The following ANKFN1 variants were observed in gnomAD, a reference collection of about 807,000 sequenced individuals.
ANKFN1 encodes the protein ankyrin repeat and fibronectin type-III domain-containing protein 1.
Under a neutral mutation model 108.7 loss-of-function variants are expected in ANKFN1, and 74 were observed. The observed-to-expected ratio is 0.68, with a 90% CI of 0.56 to 0.83. The LOEUF is 0.83. ANKFN1 is among the 40% of genes least tolerant of loss of function. The pLI, the probability that ANKFN1 is intolerant of heterozygous loss-of-function variation, is 0.00. For synonymous variants in ANKFN1, 547 were observed against 516.2 expected (o/e 1.06, Z -0.81); for missense variants, 1,505 against 1,382.3 (o/e 1.09, Z -1.41).
intron 3 of ANKFN1, among the ~76,000 whole-genome samples, chr17:56,250,355 C>T (rs558473678): frequency 3.3e-5 from 5 of 152,270 alleles, no homozygotes; most frequent in South Asian, 2.1e-4. Context: ...AAAGCCACAG[C>T]GCAGCTATTG....
At chr17:56,458,619 T>G (rs2049795162) in intron 14 of ANKFN1, among the ~76,000 whole-genome samples, 1 of 152,228 alleles carries the variant, frequency 6.6e-6, no homozygotes, top group South Asian at 2.1e-4. Context: ...AGCATTAAAT[T>G]CTAACCAAGA....
chr17:56,166,212 G>T (rs1015997707), intron 1 of ANKFN1, among the ~76,000 whole-genome samples: 1 of 152,098 alleles, frequency 6.6e-6, no homozygotes, highest in Non-Finnish European at 1.5e-5. Context: ...TCCCTCTCTA[G>T]GTTGTAGTTA....
At chr17:56,406,526 A>C (rs765513738) in intron 8 of ANKFN1, among the ~76,000 whole-genome samples, 2 of 152,162 alleles carry the variant, frequency 1.3e-5, no homozygotes, top group Admixed American at 1.3e-4. Flanking sequence ...AAATGACAGG[A>C]GTGTTTACGT....
At chr17:56,075,076 G>GA (rs1206609391) in intron 4 of ANKFN1, among the ~76,000 whole-genome samples, 1 of 152,178 alleles carries the variant, frequency 6.6e-6, no homozygotes, top group East Asian at 1.9e-4. Flanking sequence ...AAGCTAGCAG[G>GA]AAACAGACCC....
At chr17:56,174,040 T>C in intron 1 of ANKFN1, 1 of 354,244 alleles carries the variant, frequency 2.8e-6, no homozygotes, top group Non-Finnish European at 4.0e-6. Flanking sequence ...GTCCATGCCA[T>C]CTGCCAGGTT....
intron 3 of ANKFN1, among the ~76,000 whole-genome samples, chr17:56,322,360 G>A (rs1049378107): frequency 8.6e-5 from 13 of 151,686 alleles, no homozygotes; most frequent in Non-Finnish European, 1.9e-4. Context: ...ACATCTTCAC[G>A]GGCCTTCACA....
intron 4 of ANKFN1, among the ~76,000 whole-genome samples, chr17:56,349,085 G>T: frequency 6.6e-6 from 1 of 152,124 alleles, no homozygotes; most frequent in Non-Finnish European, 1.5e-5. Flanking sequence ...TAGGGACATG[G>T]ATGAAGCTGG....
At chr17:56,336,101 G>T (rs1293016789) in intron 4 of ANKFN1, among the ~76,000 whole-genome samples, 1 of 152,154 alleles carries the variant, frequency 6.6e-6, no homozygotes, top group Non-Finnish European at 1.5e-5. Flanking sequence ...TTGATGAGCT[G>T]CTGGATTCAG....
chr17:56,319,811 G>A (rs186573627), intron 3 of ANKFN1, among the ~76,000 whole-genome samples: 87 of 152,122 alleles, frequency 5.7e-4, no homozygotes, highest in African/African-American at 1.8e-3. Context: ...TTCTCAGTTG[G>A]CCAAAGCATT....
intron 14 of ANKFN1, 95 bp from the exon 15 acceptor site, chr17:56,466,261 G>A: frequency 8.8e-7 from 1 of 1,139,270 alleles, no homozygotes; most frequent in Non-Finnish European, 1.3e-6. Flanking sequence ...CAGCTTCTCA[G>A]AAATCAGATT....
chr17:56,257,201 A>G (rs915220246), intron 3 of ANKFN1, among the ~76,000 whole-genome samples: 2 of 152,130 alleles, frequency 1.3e-5, no homozygotes, highest in African/African-American at 2.4e-5. Flanking sequence ...GGTGATGACA[A>G]TGATGATAAT....
At chr17:56,354,070 A>G (rs1181466997) in intron 6 of ANKFN1, 24 bp downstream of exon 6, 3 of 1,607,720 alleles carry the variant, frequency 1.9e-6, no homozygotes, top group African/African-American at 2.7e-5. Flanking sequence ...GAATAAACAC[A>G]TGTACTATTA....
intron 12 of ANKFN1, 56 bp from the exon 13 acceptor site, chr17:56,457,201 A>T: frequency 6.7e-7 from 1 of 1,482,398 alleles, no homozygotes; most frequent in South Asian, 1.4e-5. Flanking sequence ...ACATCCAAAA[A>T]AATATTTTTC....
intron 8 of ANKFN1, among the ~76,000 whole-genome samples, chr17:56,416,930 T>G (rs1002380300): frequency 3.3e-5 from 5 of 152,164 alleles, no homozygotes; most frequent in African/African-American, 4.8e-5. Flanking sequence ...CTGGAGGTCA[T>G]TAGGTAACAT....
At chr17:56,109,429 C>T (rs746726350) in intron 4 of ANKFN1, among the ~76,000 whole-genome samples, 1 of 152,104 alleles carries the variant, frequency 6.6e-6, no homozygotes, top group African/African-American at 2.4e-5. Flanking sequence ...CATCTCTGAC[C>T]TCTACCGACC....
chr17:56,064,843 C>T (rs1484419117), intron 4 of ANKFN1, among the ~76,000 whole-genome samples: 1 of 152,030 alleles, frequency 6.6e-6, no homozygotes, highest in Non-Finnish European at 1.5e-5. Flanking sequence ...GATGCTAGGC[C>T]CCGGTGGTGT....
At chr17:56,326,175 G>A (rs756542192) in intron 3 of ANKFN1, 46 bp from the exon 4 acceptor site, 10 of 1,550,032 alleles carry the variant, frequency 6.5e-6, no homozygotes, top group African/African-American at 4.2e-5. Flanking sequence ...CATGGACTTC[G>A]GCTCTTGCCT....
chr17:56,183,388 C>T (rs117598866), intron 1 of ANKFN1, among the ~76,000 whole-genome samples: 3,153 of 152,266 alleles, frequency 0.021, 46 homozygotes, highest in Middle Eastern at 0.048. Flanking sequence ...TTTGTCCCCT[C>T]CAAATCTCAT....
chr17:56,421,318 G>A (rs1226580103), intron 8 of ANKFN1, among the ~76,000 whole-genome samples: 1 of 152,188 alleles, frequency 6.6e-6, no homozygotes, highest in Non-Finnish European at 1.5e-5. Context: ...TAGGCACTGG[G>A]TGAAACGTAT....
Sources: allele counts gnomAD v4.1 joint callset (sites outside exome capture counted in the v4.1 genomes callset), GRCh38; gene constraint gnomAD v4.1.1; transcripts MANE v1.5; gene names NCBI Gene and HGNC (gene_info 2026-07-23, HGNC 2026-07-21).